The following UNC5D variants were observed in gnomAD, a reference collection of about 807,000 sequenced individuals.
The protein encoded by UNC5D is unc-5 netrin receptor D, also known as netrin receptor UNC5D.
A neutral mutation model predicts 105.4 loss-of-function variants in UNC5D; 39 were observed. That is an observed-to-expected ratio of 0.37 (90% CI 0.29 to 0.48). The LOEUF (loss-of-function observed/expected upper bound fraction) is 0.48. UNC5D is among the 20% of genes least tolerant of loss of function. The pLI, the probability that UNC5D is intolerant of heterozygous loss-of-function variation, is 0.98. For missense variants in UNC5D, 991 were observed against 1,202.4 expected (o/e 0.82, Z 2.60); for synonymous variants, 452 against 450.4 (o/e 1.00, Z -0.04).
At chr8:35,633,401 T>C (rs950550853) in intron 4 of UNC5D, among the ~76,000 whole-genome samples, 2 of 152,160 alleles carry the variant, frequency 1.3e-5, no homozygotes, top group African/African-American at 4.8e-5. Flanking sequence ...CAGTCTAATA[T>C]TGAGCAATTT....
At chr8:35,525,550 G>T (rs777402452) in intron 1 of UNC5D, 22 of 1,612,224 alleles carry the variant, frequency 1.4e-5, no homozygotes, top group Non-Finnish European at 1.6e-5. Context: ...GTTTCTGTTC[G>T]GTCATTAATT....
intron 2 of UNC5D, among the ~76,000 whole-genome samples, chr8:35,565,650 C>A (rs1306966274): frequency 6.6e-6 from 1 of 152,062 alleles, no homozygotes; most frequent in Admixed American, 6.6e-5. Context: ...TTGCCTAGGC[C>A]AATGTCTACA....
chr8:35,283,525 GC>G (rs1166831272), intron 1 of UNC5D, among the ~76,000 whole-genome samples: 2 of 152,116 alleles, frequency 1.3e-5, no homozygotes, highest in African/African-American at 2.4e-5. Context: ...ACTTTGGGAG[GC>G]CAGGGCAGGC....
chr8:35,284,060 A>C (rs1806400874), intron 1 of UNC5D, among the ~76,000 whole-genome samples: 1 of 152,222 alleles, frequency 6.6e-6, no homozygotes, highest in Non-Finnish European at 1.5e-5. Context: ...TTTAGTGAGA[A>C]TATCAACAGA....
chr8:35,333,773 C>G (rs1486522947), intron 1 of UNC5D, among the ~76,000 whole-genome samples: 1 of 152,186 alleles, frequency 6.6e-6, no homozygotes, highest in Non-Finnish European at 1.5e-5. Flanking sequence ...AGCCACTGCA[C>G]CAGGCCAGTG....
intron 4 of UNC5D, among the ~76,000 whole-genome samples, chr8:35,635,676 T>C (rs1257990629): frequency 1.3e-5 from 2 of 152,184 alleles, no homozygotes; most frequent in Admixed American, 6.5e-5. Flanking sequence ...TGGCATTTAT[T>C]TATTTGTAAT....
intron 13 of UNC5D, among the ~76,000 whole-genome samples, chr8:35,755,478 A>ATG (rs140830705): frequency 0.036 from 5,459 of 150,474 alleles, 171 homozygotes; most frequent in Admixed American, 0.11. Flanking sequence ...ATTTGTGTGT[A>ATG]TGTGTGTGTG....
chr8:35,748,435 G>A, intron 11 of UNC5D, 92 bp from the exon 12 acceptor site: 2 of 1,354,920 alleles, frequency 1.5e-6, no homozygotes, highest in Admixed American at 4.7e-5. Flanking sequence ...TTATAAGCCT[G>A]AAGAAAACCC....
chr8:35,731,187 T>C, intron 11 of UNC5D, 91 bp downstream of exon 11: 1 of 1,267,992 alleles, frequency 7.9e-7, no homozygotes. Context: ...TCACTTGAGG[T>C]CAGGAGTTCG....
intron 2 of UNC5D, among the ~76,000 whole-genome samples, chr8:35,559,920 A>T (rs1287470987): frequency 6.6e-6 from 1 of 152,206 alleles, no homozygotes; most frequent in African/African-American, 2.4e-5. Context: ...TCTCATTTAA[A>T]CAAATAAAGC....
intron 11 of UNC5D, among the ~76,000 whole-genome samples, chr8:35,746,704 A>C (rs1202699994): frequency 1.3e-5 from 2 of 152,108 alleles, no homozygotes; most frequent in Non-Finnish European, 2.9e-5. Flanking sequence ...TAATTCCCCA[A>C]ATTCCCATAT....
chr8:35,237,496 C>A (rs938360869), intron 1 of UNC5D, among the ~76,000 whole-genome samples: 1 of 152,050 alleles, frequency 6.6e-6, no homozygotes, highest in African/African-American at 2.4e-5. Context: ...GGTACTCACC[C>A]TTGGAATTGG....
intron 1 of UNC5D, among the ~76,000 whole-genome samples, chr8:35,318,613 T>C (rs1809479586): frequency 1.3e-5 from 2 of 152,148 alleles, no homozygotes; most frequent in African/African-American, 4.8e-5. Flanking sequence ...TCAATGTGAG[T>C]ACCACATAAT....
chr8:35,722,337 T>C lies in UNC5D; in HGVS notation c.1245T>C (p.Ile415=). Residue 415 remains isoleucine (I), a synonymous_variant, in exon 9 of 17, where the codon ATT becomes ATC. Transcript: ENST00000404895. ...RSQSDYGVDV[I]DSSALTGGFQ... ...AGAGTGACTATGGCGTGGACGTCATTGACTCTTCTGCATTGACAGGTGGCT... is the reference window on the plus strand; with the variant it reads ...AGAGTGACTATGGCGTGGACGTCATCGACTCTTCTGCATTGACAGGTGGCT... 1 of 1,614,154 alleles carries C rather than the reference T, an allele frequency of 6.2e-7. No individual in the cohort carries two copies. Among genetic ancestry groups the C allele is most frequent in the Non-Finnish European group, 8.5e-7 (1 of 1,180,010 alleles).
intron 1 of UNC5D, among the ~76,000 whole-genome samples, chr8:35,306,447 A>G (rs2128875391): frequency 6.6e-6 from 1 of 152,220 alleles, no homozygotes; most frequent in Middle Eastern, 3.4e-3. Flanking sequence ...TAACATGTTA[A>G]AATTTTTCTG....
At chr8:35,474,375 C>T (rs1809940143) in intron 1 of UNC5D, among the ~76,000 whole-genome samples, 1 of 152,074 alleles carries the variant, frequency 6.6e-6, no homozygotes, top group African/African-American at 2.4e-5. Flanking sequence ...GTTACCTCAG[C>T]AGAACATCAG....
intron 4 of UNC5D, among the ~76,000 whole-genome samples, chr8:35,663,056 A>T (rs1824208000): frequency 6.6e-6 from 1 of 152,102 alleles, no homozygotes; most frequent in African/African-American, 2.4e-5. Context: ...CCCCCACCCC[A>T]GGTCCGTGGA....
chr8:35,513,529 G>A (rs947058195), intron 1 of UNC5D, among the ~76,000 whole-genome samples: 16 of 151,950 alleles, frequency 1.1e-4, no homozygotes, highest in Non-Finnish European at 7.4e-5. Flanking sequence ...ATGCCCGGCC[G>A]GGCCCTTCCT....
chr8:35,281,954 C>T (rs1475940031), intron 1 of UNC5D, among the ~76,000 whole-genome samples: 2 of 152,138 alleles, frequency 1.3e-5, no homozygotes, highest in African/African-American at 4.8e-5. Flanking sequence ...ATTTAATGAC[C>T]TATCCCTGCA....
Sources: gnomAD v4.1 joint callset for allele counts (sites outside exome capture counted in the v4.1 genomes callset) on GRCh38, gnomAD v4.1.1 for gene constraint, MANE v1.5 for transcripts, NCBI Gene and HGNC (gene_info 2026-07-23, HGNC 2026-07-21) for gene names.